Variants in COPB1 observed in about 807,000 individuals in gnomAD.
COPB1 encodes coatomer subunit beta.
In COPB1, 21 loss-of-function variants were observed where a neutral mutation model predicts 108.7. The ratio of observed to expected loss-of-function variants is 0.19; its 90% CI spans 0.14 to 0.28. COPB1 has a LOEUF of 0.28. COPB1 is among the 10% of genes least tolerant of loss of function. The probability of loss-of-function intolerance (pLI) is 1.00; values close to 1 mark genes in which losing one functional copy is unlikely to be tolerated. For missense variants in COPB1, 919 were observed against 1,141.3 expected (o/e 0.81, Z 2.81); for synonymous variants, 378 against 386.8 (o/e 0.98, Z 0.27).
At chr11:14,488,675 T>C (rs1850827956) in intron 5 of COPB1, 91 bp from the exon 6 acceptor site, 2 of 637,210 alleles carry the variant, frequency 3.1e-6, no homozygotes, top group South Asian at 3.7e-5. Context: ...TACAACTCAA[T>C]ATAAAACAAA....
chr11:14,471,049 C>T (rs1229307986), intron 14 of COPB1, among the ~76,000 whole-genome samples: 1 of 151,550 alleles, frequency 6.6e-6, no homozygotes, highest in East Asian at 1.9e-4. Flanking sequence ...GAAAAAAAAA[C>T]AGAAGACTTA....
At chr11:14,493,425 C>T (rs112155379) in intron 4 of COPB1, among the ~76,000 whole-genome samples, 2 of 152,278 alleles carry the variant, frequency 1.3e-5, no homozygotes, top group Middle Eastern at 3.4e-3. Context: ...AAGGGGGTTA[C>T]TGTTATACAA....
chr11:14,472,847 G>A (rs2134104954), intron 14 of COPB1, among the ~76,000 whole-genome samples: 1 of 152,310 alleles, frequency 6.6e-6, no homozygotes, highest in South Asian at 2.1e-4. Context: ...AGCCTTCATG[G>A]AATTGAAGAG....
chr11:14,496,763 C>T (rs1312719353), intron 2 of COPB1, among the ~76,000 whole-genome samples: 1 of 150,720 alleles, frequency 6.6e-6, no homozygotes, highest in Non-Finnish European at 1.5e-5. Flanking sequence ...GCAAAAAGAA[C>T]AAAACTGAAG....
intron 3 of COPB1, 92 bp from the exon 4 acceptor site, chr11:14,493,903 G>T: frequency 8.6e-7 from 1 of 1,163,408 alleles, no homozygotes; most frequent in Non-Finnish European, 1.2e-6. Context: ...AAAAAAATAC[G>T]TTTGAGAAAA....
intron 16 of COPB1, among the ~76,000 whole-genome samples, chr11:14,466,976 C>T (rs982896960): frequency 1.3e-5 from 2 of 152,074 alleles, no homozygotes; most frequent in African/African-American, 4.8e-5. Context: ...TTTAAACACA[C>T]TGAAAGCACT....
intron 2 of COPB1, 186 bp from the exon 3 acceptor site, chr11:14,494,625 CA>C: frequency 1.9e-6 from 1 of 524,962 alleles, no homozygotes; most frequent in East Asian, 3.0e-5. Context: ...TGTCTTTGCT[CA>C]AGTCATTTAT....
intron 14 of COPB1, among the ~76,000 whole-genome samples, chr11:14,473,838 T>C (rs569091934): frequency 1.5e-5 from 2 of 134,032 alleles, no homozygotes; most frequent in Admixed American, 1.6e-4. Context: ...CCTTCATTTG[T>C]TTAAAAAAAA....
At chr11:14,464,492 G>A (rs1019051583) in intron 18 of COPB1, among the ~76,000 whole-genome samples, 3 of 152,108 alleles carry the variant, frequency 2.0e-5, no homozygotes, top group African/African-American at 7.2e-5. Context: ...CTCTATACAA[G>A]CTAATCCCTA....
At chr11:14,473,489 G>A (rs1341774478) in intron 14 of COPB1, among the ~76,000 whole-genome samples, 1 of 152,156 alleles carries the variant, frequency 6.6e-6, no homozygotes, top group Non-Finnish European at 1.5e-5. Flanking sequence ...AGAAGCCACT[G>A]TAGGATTATT....
intron 6 of COPB1, among the ~76,000 whole-genome samples, chr11:14,487,913 T>G (rs186862759): frequency 1.3e-5 from 2 of 152,216 alleles, no homozygotes; most frequent in South Asian, 2.1e-4. Flanking sequence ...AATAGCAAAG[T>G]TGGATCTTCT....
At chr11:14,465,390 C>T (rs1850263187) in intron 17 of COPB1, among the ~76,000 whole-genome samples, 1 of 152,066 alleles carries the variant, frequency 6.6e-6, no homozygotes, top group Admixed American at 6.6e-5. Flanking sequence ...TGGAGTGCAA[C>T]TGCATGATCA....
intron 4 of COPB1, among the ~76,000 whole-genome samples, chr11:14,491,669 CAAA>C (rs10550863): frequency 9.4e-4 from 130 of 138,398 alleles, no homozygotes; most frequent in Admixed American, 1.3e-3. Context: ...AACTCTGTCT[CAAA>C]AAAAAAAAAA....
chr11:14,462,978 G>A (rs777381645), intron 18 of COPB1, among the ~76,000 whole-genome samples: 5 of 152,058 alleles, frequency 3.3e-5, no homozygotes, highest in East Asian at 3.9e-4. Context: ...TCTTCATATC[G>A]TATTTAGTCT....
intron 14 of COPB1, among the ~76,000 whole-genome samples, chr11:14,472,085 T>C (rs1850418785): frequency 6.6e-6 from 1 of 152,194 alleles, no homozygotes; most frequent in Non-Finnish European, 1.5e-5. Context: ...AGGCCCAATT[T>C]GAATGTCAGA....
At chr11:14,469,743 ACTCT>A (rs1850363124) in intron 14 of COPB1, among the ~76,000 whole-genome samples, 180 bp from the exon 15 acceptor site, 2 of 152,114 alleles carry the variant, frequency 1.3e-5, no homozygotes, top group Admixed American at 6.6e-5. Context: ...CTTAACTGCC[ACTCT>A]CTAAGACCTG....
chr11:14,498,111 C>CCTA (rs1851067244), intron 2 of COPB1, among the ~76,000 whole-genome samples: 1 of 152,122 alleles, frequency 6.6e-6, no homozygotes, highest in African/African-American at 2.4e-5. Context: ...TATTTGATAG[C>CCTA]ACACAGGGTA....
At chr11:14,469,671 T>C (rs1443834394) in intron 14 of COPB1, 108 bp from the exon 15 acceptor site, 3 of 941,618 alleles carry the variant, frequency 3.2e-6, no homozygotes, top group Non-Finnish European at 3.2e-6. Flanking sequence ...CTGAATAAGA[T>C]TTCAAATTCT....
intron 11 of COPB1, among the ~76,000 whole-genome samples, 167 bp downstream of exon 11, chr11:14,479,399 ATTT>A (rs979651522): frequency 1.3e-5 from 2 of 152,214 alleles, no homozygotes; most frequent in Non-Finnish European, 2.9e-5. Context: ...ATTTTGGGCC[ATTT>A]ATTATAGACT....
Sources: gnomAD v4.1 joint callset for allele counts (sites outside exome capture counted in the v4.1 genomes callset) on GRCh38, gnomAD v4.1.1 for gene constraint, MANE v1.5 for transcripts, NCBI Gene and HGNC (gene_info 2026-07-23, HGNC 2026-07-21) for gene names.